Variants in ZNF608 observed in about 807,000 individuals in gnomAD.
ZNF608 encodes renal carcinoma antigen NY-REN-36.
In ZNF608, 12 loss-of-function variants were observed where a neutral mutation model predicts 109.0. That is an observed-to-expected ratio of 0.11 (90% CI 0.07 to 0.18). The LOEUF (loss-of-function observed/expected upper bound fraction) is 0.18. ZNF608 is among the 10% of genes least tolerant of loss of function. ZNF608 has a pLI of 1.00. For missense variants in ZNF608, 1,707 were observed against 1,879.3 expected (o/e 0.91, Z 1.70); for synonymous variants, 732 against 717.4 (o/e 1.02, Z -0.33).
rs542090838 is a variant in ZNF608 at position 124,646,893 on chromosome 5, T to C, written c.3491A>G (p.Lys1164Arg). The C allele has an allele frequency of 1.2e-6, 2 of 1,614,186 alleles. No individual in the cohort carries two copies. The highest frequency in any genetic ancestry group is 3.3e-5 in the Admixed American group (2 of 60,014). ...SKAPSTPEPNKNHSKLGPSVP... is the reference protein window; with the variant it reads ...SKAPSTPEPNRNHSKLGPSVP... ...TGATGGCCCTAGTTTAGAATGGTTTTTGTTAGGCTCCGGAGTAGAGGGAGC... is the reference window on the plus strand; with the variant it reads ...TGATGGCCCTAGTTTAGAATGGTTTCTGTTAGGCTCCGGAGTAGAGGGAGC... Residue 1164 changes from lysine (K) to arginine (R), a missense_variant, in exon 5 of 10, where the codon AAA becomes AGA. This residue lies in a region of ZNF608 where 1,073 missense variants were observed against 1,133.5 expected (regional missense o/e 0.95). Coordinates refer to ENST00000513986, the MANE Select transcript of ZNF608 (RefSeq NM_020747.3).
At position 124,745,174 on chromosome 5, in the gene ZNF608, TGTGAAGG is replaced by T; in HGVS notation, c.-183-9_-183-3del. The T allele has an allele frequency of 1.4e-6, 2 of 1,397,036 alleles. No homozygotes were observed. The highest frequency in any genetic ancestry group is 2.7e-5 in the East Asian group (1 of 36,622). 86.5% of individuals were successfully genotyped at this position (1,397,036 alleles called of 1,614,324 possible). ...CCCTCAGTCCAGGTCCACCTTTTCCTGTGAAGGGGGGGGGAAAAGTCGAATATTTCTT... is the reference window on the plus strand; with the variant it reads ...CCCTCAGTCCAGGTCCACCTTTTCCTGGGGGGGAAAAGTCGAATATTTCTT... On this transcript the variant is annotated splice_region_variant and splice_polypyrimidine_tract_variant and intron_variant, in intron 1 of 9. Transcript: ENST00000513986.
rs537785800 is a variant in ZNF608, at chr5:124,707,233, C to G, written c.907-5964G>C. Among the ~76,000 whole-genome samples the G allele has an allele frequency of 4.5e-4, 68 of 152,234 alleles. No homozygotes were observed. The South Asian group carries it at 4.8e-3, about 11-fold the overall frequency. ...CCAGGGTAGGGCTGGAGAGTGCTCC[C>G]TCGAGCACTCCTGCTCCACCCAGAC... On this transcript the variant is annotated intron_variant, in intron 2 of 9. Coordinates refer to ENST00000513986, the MANE Select transcript of ZNF608 (RefSeq NM_020747.3).
intron 2 of ZNF608, among the ~76,000 whole-genome samples, chr5:124,706,457 T>C (rs1753263395): frequency 6.6e-6 from 1 of 152,238 alleles, no homozygotes; most frequent in African/African-American, 2.4e-5. Context: ...TAGTATTTGC[T>C]ACATTCAAAG....
chr5:124,695,764 G>T (rs1176039104), intron 3 of ZNF608, among the ~76,000 whole-genome samples: 2 of 150,212 alleles, frequency 1.3e-5, no homozygotes, highest in African/African-American at 4.9e-5. Flanking sequence ...CTGAGACCCT[G>T]TCTCAAAAAA....
chr5:124,672,586 G>C (rs1489991851), intron 3 of ZNF608, among the ~76,000 whole-genome samples: 1 of 152,136 alleles, frequency 6.6e-6, no homozygotes, highest in Non-Finnish European at 1.5e-5. Context: ...AGTAACACTG[G>C]AACAGATCTT....
At chr5:124,711,796 TG>T (rs1162816960) in intron 2 of ZNF608, among the ~76,000 whole-genome samples, 1 of 152,132 alleles carries the variant, frequency 6.6e-6, no homozygotes, top group African/African-American at 2.4e-5. Context: ...GAGCTGAGGC[TG>T]GAATATCAGA....
In ZNF608 at chr5:124,712,122, G is replaced by A. The variant is rs1381095171; in HGVS notation, c.907-10853C>T. Among the ~76,000 whole-genome samples the A allele has an allele frequency of 4.6e-5, 7 of 152,052 alleles. No individual in the cohort carries two copies. The East Asian group carries it at 5.8e-4, about 13-fold the overall frequency. ...AGATCGCACCATTGCACTCCAGCCC[G>A]GGCAACAAAGCCAGACTCCATCACA... On this transcript the variant is annotated intron_variant, in intron 2 of 9. Transcript: ENST00000513986.
At chr5:124,740,150 C>G in intron 2 of ZNF608, among the ~76,000 whole-genome samples, 1 of 152,114 alleles carries the variant, frequency 6.6e-6, no homozygotes, top group East Asian at 1.9e-4. Context: ...CATATTCCTT[C>G]TCTCTCCAGC....
chr5:124,740,267 A>G (rs923149757), intron 2 of ZNF608, among the ~76,000 whole-genome samples: 1 of 152,152 alleles, frequency 6.6e-6, no homozygotes, highest in African/African-American at 2.4e-5. Context: ...CCCTCCCTCA[A>G]AAAGCCCTGT....
chr5:124,684,531 TA>T (rs1353397848), intron 3 of ZNF608, among the ~76,000 whole-genome samples: 3 of 152,198 alleles, frequency 2.0e-5, no homozygotes, highest in Non-Finnish European at 4.4e-5. Flanking sequence ...ATATTTAGGT[TA>T]TATAAAATGC....
chr5:124,682,103 G>A (rs777658866), intron 3 of ZNF608, among the ~76,000 whole-genome samples: 11 of 152,032 alleles, frequency 7.2e-5, no homozygotes, highest in Admixed American at 3.3e-4. Flanking sequence ...ATGGAGTTTC[G>A]CTCTTGTTTC....
At chr5:124,683,414 T>C (rs1306625351) in intron 3 of ZNF608, among the ~76,000 whole-genome samples, 1 of 152,188 alleles carries the variant, frequency 6.6e-6, no homozygotes, top group Admixed American at 6.5e-5. Context: ...GTATGGGTGG[T>C]GGTAAAATAT....
rs1029176544 is a variant in ZNF608, at chr5:124,643,130, T to C, written c.4296+381A>G. Reference sequence around the variant, plus strand: ...CAAAAAGTCAACAGTTTGTAGCCTCTGAACTACTTACTTACCAAAATTATA... The same window carrying C: ...CAAAAAGTCAACAGTTTGTAGCCTCCGAACTACTTACTTACCAAAATTATA... On this transcript the variant is annotated intron_variant, in intron 7 of 9. Coordinates refer to ENST00000513986, the MANE Select transcript of ZNF608 (RefSeq NM_020747.3). Among the ~76,000 whole-genome samples the C allele has an allele frequency of 9.2e-5, 14 of 152,342 alleles. No individual in the cohort carries two copies. In the South Asian group the frequency reaches 2.7e-3, roughly 29 times the overall value.
intron 3 of ZNF608, among the ~76,000 whole-genome samples, chr5:124,666,984 G>C (rs1047290261): frequency 1.3e-5 from 2 of 152,010 alleles, no homozygotes; most frequent in Non-Finnish European, 2.9e-5. Flanking sequence ...TAGGTGCGTG[G>C]AATCAATATA....
intron 3 of ZNF608, among the ~76,000 whole-genome samples, chr5:124,680,188 C>G (rs1428620641): frequency 6.6e-6 from 1 of 151,890 alleles, no homozygotes; most frequent in African/African-American, 2.4e-5. Flanking sequence ...AATTAAATGA[C>G]TAGATCTCCG....
At chr5:124,736,730 A>G (rs1454340426) in intron 2 of ZNF608, among the ~76,000 whole-genome samples, 1 of 152,232 alleles carries the variant, frequency 6.6e-6, no homozygotes, top group Non-Finnish European at 1.5e-5. Flanking sequence ...TGCTTTTCCT[A>G]AGAAACTAAA....
At chr5:124,668,738 T>C (rs1472711380) in intron 3 of ZNF608, among the ~76,000 whole-genome samples, 4 of 152,148 alleles carry the variant, frequency 2.6e-5, no homozygotes, top group Non-Finnish European at 5.9e-5. Flanking sequence ...CAGGAGCCTT[T>C]CGGGAATTTT....
intron 2 of ZNF608, chr5:124,734,772 TC>T (rs1353710948): frequency 6.6e-6 from 1 of 152,236 alleles, no homozygotes; most frequent in Non-Finnish European, 1.5e-5. Context: ...GGAACAAAAG[TC>T]TTTGTGTTTT....
At chr5:124,650,229 G>A (rs1750718404) in intron 3 of ZNF608, among the ~76,000 whole-genome samples, 1 of 152,198 alleles carries the variant, frequency 6.6e-6, no homozygotes, top group Non-Finnish European at 1.5e-5. Context: ...GGGGACTCAA[G>A]AGTCCAGATA....
Sources: allele counts gnomAD v4.1 joint callset (sites outside exome capture counted in the v4.1 genomes callset), GRCh38; gene constraint gnomAD v4.1.1; regional missense constraint gnomAD v4.1.1; transcripts MANE v1.5; gene names NCBI Gene and HGNC (gene_info 2026-07-23, HGNC 2026-07-21).